Variants in VRTN observed in about 807,000 individuals in gnomAD.
VRTN encodes the protein vertebrae development associated.
Under a neutral mutation model 18.2 loss-of-function variants are expected in VRTN, and 5 were observed. That is an observed-to-expected ratio of 0.27 (90% CI 0.14 to 0.58). The LOEUF is 0.58. Ranked by LOEUF, VRTN falls within the 20% of genes least tolerant of loss-of-function variation. The pLI, the probability that VRTN is intolerant of heterozygous loss-of-function variation, is 0.91. For synonymous variants in VRTN, 381 were observed against 393.7 expected (o/e 0.97, Z 0.38); for missense variants, 741 against 939.4 (o/e 0.79, Z 2.76).
Position 74,358,408 on chromosome 14 carries a change from G to T in VRTN, c.1625G>T (p.Trp542Leu). The part of the protein sequence containing the change: ...RYPSLSPSAF[W>L]VWKSLARGWP... ...CCCAGCCTGTCACCTTCTGCCTTTT[G>T]GGTCTGGAAGAGTCTTGCTCGGGGT... The change falls in exon 2 of 2, where the codon TGG becomes TTG. Residue 542 changes from tryptophan (W) to leucine (L), a missense_variant. Physicochemically the swap from Trp to Leu is moderately conservative, Grantham distance 61. Around this residue, in one of 3 missense-constraint regions of VRTN, gnomAD observed 494 missense variants for 546.5 expected, o/e 0.90. Coordinates refer to ENST00000256362, the MANE Select transcript of VRTN (RefSeq NM_018228.3). This position sits in a 1 kb window ranked among gnomAD's most constrained non-coding sequence, Gnocchi z 5.4. 2 of 1,614,150 alleles carry T rather than the reference G, an allele frequency of 1.2e-6. No individual in the cohort carries two copies. The highest frequency in any genetic ancestry group is 1.7e-6 in the Non-Finnish European group (2 of 1,180,038).
intron 1 of VRTN, among the ~76,000 whole-genome samples, chr14:74,328,108 G>A (rs1375791769): frequency 6.6e-6 from 1 of 152,172 alleles, no homozygotes; most frequent in Admixed American, 6.6e-5. Context: ...ATTCTAATTG[G>A]TATGTTCCAC....
At chr14:74,328,598 T>C (rs2085502239) in intron 1 of VRTN, among the ~76,000 whole-genome samples, 1 of 152,154 alleles carries the variant, frequency 6.6e-6, no homozygotes, top group Admixed American at 6.6e-5. Context: ...ATTGCTTAAA[T>C]AAATTATAAT....
intron 1 of VRTN, among the ~76,000 whole-genome samples, chr14:74,332,345 T>G (rs1025545073): frequency 3.8e-5 from 1 of 26,594 alleles, no homozygotes; most frequent in African/African-American, 2.6e-4. Context: ...GTTTTTTTTT[T>G]TTTTTTTTTT....
rs1341359355 is a variant in VRTN, at chr14:74,358,831, G to T, written c.2048G>T (p.Arg683Leu). 3 of 1,614,170 alleles carry T rather than the reference G, an allele frequency of 1.9e-6. No homozygotes were observed. The highest frequency in any genetic ancestry group is 1.7e-6 in the Non-Finnish European group (2 of 1,180,022). ...AGTGCCCTCTTTCCCCTCACTGCCCGCTCCACATACTACATGTGGAAGCGA... is the reference window on the plus strand; with the variant it reads ...AGTGCCCTCTTTCCCCTCACTGCCCTCTCCACATACTACATGTGGAAGCGA... ...EFSALFPLTA[R>L]STYYMWKRAL... The change falls in exon 2 of 2, where the codon CGC becomes CTC. Residue 683 changes from arginine (R) to leucine (L), a missense_variant. Arg to Leu is a moderately radical substitution (Grantham distance 102, BLOSUM62 -2). Coordinates refer to ENST00000256362, the MANE Select transcript of VRTN (RefSeq NM_018228.3). The surrounding 1 kb of genome is among the most constrained non-coding windows in gnomAD (Gnocchi z 5.4).
chr14:74,327,555 A>G (rs2085495761), intron 1 of VRTN, among the ~76,000 whole-genome samples: 1 of 152,110 alleles, frequency 6.6e-6, no homozygotes, highest in African/African-American at 2.4e-5. Context: ...CAGGCCAGGA[A>G]AAGGGGCAGT....
At chr14:74,313,920 C>T (rs756956225) in intron 1 of VRTN, among the ~76,000 whole-genome samples, 50 of 152,058 alleles carry the variant, frequency 3.3e-4, no homozygotes, top group Non-Finnish European at 6.5e-4. Context: ...GGCAACAGAG[C>T]GAGACACTGT....
chr14:74,320,438 A>AT (rs1327842458), intron 1 of VRTN, among the ~76,000 whole-genome samples: 6 of 146,820 alleles, frequency 4.1e-5, no homozygotes, highest in Non-Finnish European at 9.0e-5. Context: ...AAATTTTTGT[A>AT]TTTTTAGTAG....
rs56916937 is a variant in VRTN, at chr14:74,350,923, G to A, written c.-2+2271G>A. 9.8e-4 allele frequency among the ~76,000 whole-genome samples: 149 copies of A among 152,290 alleles called. 1 individual carries two copies. Among genetic ancestry groups the A allele is most frequent in the African/African-American group, 3.3e-3 (137 of 41,564 alleles). ...TCTCCTCAGGAAATCGGCTAATTGC[G>A]TGTAAGGGTATAAAAATATCCACAC... is the stretch of plus-strand genomic sequence containing the variant. On this transcript the variant is annotated intron_variant, in intron 1 of 1. Coordinates refer to ENST00000256362, the MANE Select transcript of VRTN (RefSeq NM_018228.3).
chr14:74,345,699 G>A (rs1482976983), upstream of VRTN, among the ~76,000 whole-genome samples: 1 of 151,930 alleles, frequency 6.6e-6, no homozygotes, highest in Admixed American at 6.6e-5. Context: ...CAAAGTGGGT[G>A]GATCACCTGT....
intron 1 of VRTN, among the ~76,000 whole-genome samples, chr14:74,352,219 A>G (rs1260004876): frequency 2.0e-5 from 3 of 147,494 alleles, no homozygotes; most frequent in African/African-American, 7.5e-5. Flanking sequence ...TCACTCTGTC[A>G]CCCAGGCTGG....
At position 74,357,690 on chromosome 14, in the gene VRTN, T is replaced by C. The variant is rs1595177577; in HGVS notation, c.907T>C (p.Ser303Pro). The C allele has an allele frequency of 6.2e-7, 1 of 1,613,472 alleles. No individual in the cohort carries two copies. The highest frequency in any genetic ancestry group is 1.3e-5 in the African/African-American group (1 of 74,944). ...CACCTTCTACCGCTGGCGGCGGCAG[T>C]CCCAGGAGCACCGGCAGAAGGTTGC... ...KSTFYRWRRQ[S>P]QEHRQKVAAR... Residue 303 changes from serine (S) to proline (P), a missense_variant, in exon 2 of 2, where the codon TCC becomes CCC. Coordinates refer to ENST00000256362, the MANE Select transcript of VRTN (RefSeq NM_018228.3). The surrounding 1 kb of genome is among the most constrained non-coding windows in gnomAD (Gnocchi z 7.8).
intron 1 of VRTN, among the ~76,000 whole-genome samples, chr14:74,320,199 A>C (rs1250639439): frequency 6.8e-6 from 1 of 147,456 alleles, no homozygotes; most frequent in Non-Finnish European, 1.5e-5. Flanking sequence ...GCAGTGAGCT[A>C]TGATTATGCC....
At chr14:74,308,800 G>C (rs548707590) in intron 1 of VRTN, among the ~76,000 whole-genome samples, 1 of 151,866 alleles carries the variant, frequency 6.6e-6, no homozygotes, top group East Asian at 1.9e-4. Context: ...ACAGGCGCGA[G>C]CCACTGCACC....
chr14:74,354,412 T>C (rs2085709154), intron 1 of VRTN, among the ~76,000 whole-genome samples: 1 of 129,180 alleles, frequency 7.7e-6, no homozygotes, highest in African/African-American at 3.9e-5. Context: ...TCCATGGGTC[T>C]TTTTTTTTTT....
chr14:74,313,516 G>A (rs1478131693), intron 1 of VRTN, among the ~76,000 whole-genome samples: 2 of 152,154 alleles, frequency 1.3e-5, no homozygotes, highest in Non-Finnish European at 2.9e-5. Flanking sequence ...TTCAAAGGAC[G>A]GTGACATCTT....
intron 1 of VRTN, among the ~76,000 whole-genome samples, chr14:74,318,603 C>T (rs927283619): frequency 2.0e-5 from 3 of 150,196 alleles, no homozygotes; most frequent in Non-Finnish European, 3.0e-5. Flanking sequence ...GTAGAGAAGG[C>T]GTTTCACCAT....
chr14:74,309,409 C>T (rs2085374306), intron 1 of VRTN, among the ~76,000 whole-genome samples: 1 of 152,140 alleles, frequency 6.6e-6, no homozygotes, highest in Non-Finnish European at 1.5e-5. Context: ...TTGAATTTCC[C>T]CCGGCTCTAA....
chr14:74,303,043 C>T, upstream of VRTN: 1 of 1,034,248 alleles, frequency 9.7e-7, no homozygotes, highest in Middle Eastern at 2.2e-4. Context: ...GAGACGCGGA[C>T]TCTCCCGGAA....
intron 1 of VRTN, among the ~76,000 whole-genome samples, chr14:74,350,086 AT>A (rs1764474903): frequency 6.6e-6 from 1 of 152,086 alleles, no homozygotes; most frequent in South Asian, 2.1e-4. Flanking sequence ...TCTGCTTTGC[AT>A]TGCACTTCTA....
Sources: allele counts gnomAD v4.1 joint callset (sites outside exome capture counted in the v4.1 genomes callset), GRCh38; gene constraint gnomAD v4.1.1; regional missense constraint gnomAD v4.1.1; non-coding constraint Gnocchi (gnomAD v3.1); transcripts MANE v1.5; gene names NCBI Gene and HGNC (gene_info 2026-07-23, HGNC 2026-07-21).